The following FGGY variants were observed in gnomAD, a reference collection of about 807,000 sequenced individuals.
FGGY encodes the protein FGGY carbohydrate kinase domain-containing protein.
FGGY carries 72 observed loss-of-function variants against 71.3 expected under a neutral mutation model. That is an observed-to-expected ratio of 1.01 (90% CI 0.84 to 1.23). The LOEUF (loss-of-function observed/expected upper bound fraction) is 1.23, where lower values mean the gene tolerates loss of function less well. Among genes scored for constraint, FGGY ranks in the 50% most tolerant of loss-of-function variants. The probability of loss-of-function intolerance (pLI) is 0.00; values close to 1 mark genes in which losing one functional copy is unlikely to be tolerated. For missense variants in FGGY, 668 were observed against 682.3 expected (o/e 0.98, Z 0.23); for synonymous variants, 251 against 250.3 (o/e 1.00, Z -0.02).
At chr1:59,743,459 C>T (rs1213516406) in intron 14 of FGGY, among the ~76,000 whole-genome samples, 1 of 152,172 alleles carries the variant, frequency 6.6e-6, no homozygotes, top group Non-Finnish European at 1.5e-5. Flanking sequence ...TATTTGGTTG[C>T]ACAATAAAAA....
In FGGY at chr1:59,607,875, C is replaced by T; in HGVS notation, c.976C>T (p.Leu326=). ...CTCAGCCATGGTACCTGGGTTCTGG[C>T]TGAATGAAGGTGGTCAGAGCGTTAC... ...YFSAMVPGFW[L]NEGGQSVTGK... is the part of the protein sequence containing the mutation. The change falls in exon 9 of 16, where the codon CTG becomes TTG. Residue 326 remains leucine, a synonymous_variant. Transcript: ENST00000303721. 1 of 1,614,026 alleles carries T rather than the reference C, an allele frequency of 6.2e-7. No individual in the cohort carries two copies. Among genetic ancestry groups the T allele is most frequent in the Non-Finnish European group, 8.5e-7 (1 of 1,179,938 alleles).
intron 8 of FGGY, among the ~76,000 whole-genome samples, chr1:59,559,124 G>A (rs538359097): frequency 1.4e-3 from 210 of 152,264 alleles, no homozygotes; most frequent in African/African-American, 4.7e-3. Flanking sequence ...TGGTCCTGAG[G>A]TGAAGTACAT....
intron 14 of FGGY, among the ~76,000 whole-genome samples, chr1:59,706,953 A>T (rs1289153583): frequency 6.6e-6 from 1 of 152,214 alleles, no homozygotes; most frequent in East Asian, 1.9e-4. Flanking sequence ...ATTTGTAGTC[A>T]GGGGTCCCTG....
intron 14 of FGGY, among the ~76,000 whole-genome samples, chr1:59,743,856 T>A (rs1382996512): frequency 1.3e-5 from 2 of 152,254 alleles, no homozygotes; most frequent in African/African-American, 4.8e-5. Flanking sequence ...ATTGTTCATC[T>A]TCCTTCCCTT....
At chr1:59,384,839 T>A (rs1387434882) in intron 5 of FGGY, among the ~76,000 whole-genome samples, 1 of 152,178 alleles carries the variant, frequency 6.6e-6, no homozygotes, top group Non-Finnish European at 1.5e-5. Context: ...TCTGTTCTCT[T>A]TTCTAGAGTA....
At chr1:59,309,478 T>G (rs2043926804) in intron 1 of FGGY, among the ~76,000 whole-genome samples, 2 of 152,122 alleles carry the variant, frequency 1.3e-5, no homozygotes, top group Admixed American at 6.5e-5. Context: ...GGTTAGAAAG[T>G]CAGGCAGGGG....
intron 6 of FGGY, among the ~76,000 whole-genome samples, chr1:59,509,389 G>A (rs993774891): frequency 6.6e-6 from 1 of 152,164 alleles, no homozygotes; most frequent in Non-Finnish European, 1.5e-5. Context: ...CTGCCAGAGA[G>A]TGCTTAAAAA....
intron 5 of FGGY, among the ~76,000 whole-genome samples, chr1:59,379,193 A>C (rs2059071299): frequency 6.6e-6 from 1 of 150,694 alleles, no homozygotes; most frequent in Non-Finnish European, 1.5e-5. Context: ...ACACACACAC[A>C]GAGTCACGCA....
rs573809337 is a variant in FGGY at position 59,753,066 on chromosome 1, ACT to A, written c.1513-4861_1513-4860del. On this transcript the variant is annotated intron_variant, in intron 14 of 15. Transcript: ENST00000303721. ...TCACTGTATTAATTGTGCTGTCTAG[ACT>A]CTCAAACAAAGAGGGTAGCGTGCTG... Among the ~76,000 whole-genome samples the A allele has an allele frequency of 5.9e-5, 9 of 152,240 alleles. No individual in the cohort carries two copies. In the South Asian group the frequency reaches 1.9e-3, roughly 32 times the overall value.
At chr1:59,594,513 A>G (rs959303801) in intron 8 of FGGY, among the ~76,000 whole-genome samples, 1 of 152,188 alleles carries the variant, frequency 6.6e-6, no homozygotes, top group African/African-American at 2.4e-5. Flanking sequence ...GTACACCCCA[A>G]CACTGCTTCT....
chr1:59,456,858 CT>C, intron 5 of FGGY, 102 bp from the exon 6 acceptor site: 1 of 701,606 alleles, frequency 1.4e-6, no homozygotes, highest in Non-Finnish European at 2.5e-6. Flanking sequence ...GCTTATTCCA[CT>C]TCTTTAATAC....
intron 9 of FGGY, among the ~76,000 whole-genome samples, chr1:59,610,687 C>A (rs2153820124): frequency 6.6e-6 from 1 of 152,328 alleles, no homozygotes; most frequent in Non-Finnish European, 1.5e-5. Context: ...GTGCAGCCCA[C>A]AGACCGTGAG....
At chr1:59,508,982 C>T (rs2094457908) in intron 6 of FGGY, among the ~76,000 whole-genome samples, 1 of 152,200 alleles carries the variant, frequency 6.6e-6, no homozygotes, top group African/African-American at 2.4e-5. Flanking sequence ...GTGAACTCAG[C>T]AGAGTCTCTG....
chr1:59,744,499 G>A (rs2098177994), intron 14 of FGGY, among the ~76,000 whole-genome samples: 1 of 152,216 alleles, frequency 6.6e-6, no homozygotes, highest in East Asian at 1.9e-4. Context: ...GGGATTACAG[G>A]CGTGAGCCAC....
intron 6 of FGGY, among the ~76,000 whole-genome samples, chr1:59,482,485 T>A (rs1569776884): frequency 6.6e-6 from 1 of 152,048 alleles, no homozygotes; most frequent in African/African-American, 2.4e-5. Context: ...TATATATATA[T>A]AAACAGTTTT....
intron 14 of FGGY, among the ~76,000 whole-genome samples, chr1:59,724,433 G>C (rs2097923048): frequency 6.6e-6 from 1 of 151,192 alleles, no homozygotes; most frequent in South Asian, 2.1e-4. Flanking sequence ...GCCATGAGCA[G>C]AGATTGCACT....
intron 12 of FGGY, among the ~76,000 whole-genome samples, chr1:59,663,844 ATGT>A (rs983019968): frequency 6.6e-6 from 1 of 152,212 alleles, no homozygotes; most frequent in African/African-American, 2.4e-5. Flanking sequence ...GGAAAAAAAA[ATGT>A]TGTTTCATTA....
intron 11 of FGGY, chr1:59,641,299 A>C: frequency 1.9e-6 from 3 of 1,611,010 alleles, no homozygotes; most frequent in Non-Finnish European, 2.5e-6. Flanking sequence ...GGATATCTGT[A>C]TATTCCGGCT....
chr1:59,559,871 T>C (rs958515725), intron 8 of FGGY, among the ~76,000 whole-genome samples: 6 of 152,160 alleles, frequency 3.9e-5, no homozygotes, highest in African/African-American at 1.4e-4. Flanking sequence ...ATAAATTATT[T>C]TGAATAAATA....
Sources: gnomAD v4.1 joint callset for allele counts (sites outside exome capture counted in the v4.1 genomes callset) on GRCh38, gnomAD v4.1.1 for gene constraint, MANE v1.5 for transcripts, NCBI Gene and HGNC (gene_info 2026-07-23, HGNC 2026-07-21) for gene names.